DLAT: variants seen among roughly 807,000 people sequenced by gnomAD.
DLAT encodes dihydrolipoamide S-acetyltransferase.
A neutral mutation model predicts 68.0 loss-of-function variants in DLAT; 43 were observed. That is an observed-to-expected ratio of 0.63 (90% CI 0.50 to 0.81). The LOEUF (loss-of-function observed/expected upper bound fraction) is 0.81. Among genes scored for constraint, DLAT ranks in the 40% least tolerant of loss-of-function variants. DLAT has a pLI of 0.00. For synonymous variants in DLAT, 265 were observed against 288.6 expected, an observed-to-expected ratio of 0.92 and a Z score of 0.83; for missense variants, 745 against 815.4, an observed-to-expected ratio of 0.91 and a Z score of 1.05.
At chr11:112,048,226 A>G (rs1276486281) in intron 10 of DLAT, among the ~76,000 whole-genome samples, 1 of 152,108 alleles carries the variant, frequency 6.6e-6, no homozygotes, top group Non-Finnish European at 1.5e-5. Context: ...TTCTTTTTAT[A>G]GCAATTGTGA....
chr11:112,031,822 C>G (rs587680128), intron 4 of DLAT, among the ~76,000 whole-genome samples: 1 of 147,780 alleles, frequency 6.8e-6, no homozygotes, highest in South Asian at 2.1e-4. Context: ...TCAAGTGATC[C>G]TCCTGCATCA....
At chr11:112,058,740 T>C (rs1555182852) in intron 11 of DLAT, among the ~76,000 whole-genome samples, 2 of 151,714 alleles carry the variant, frequency 1.3e-5, no homozygotes, top group Non-Finnish European at 2.9e-5. Flanking sequence ...CCAATAAAAA[T>C]CAGTTATTTT....
chr11:112,026,856 G>T (rs1227684126), intron 2 of DLAT, among the ~76,000 whole-genome samples: 2 of 152,048 alleles, frequency 1.3e-5, no homozygotes, highest in African/African-American at 4.8e-5. Flanking sequence ...GGTGGTGGCC[G>T]GGCAGAGGGG....
chr11:112,027,196 A>T (rs587725087), intron 2 of DLAT, among the ~76,000 whole-genome samples: 1 of 145,630 alleles, frequency 6.9e-6, no homozygotes, highest in East Asian at 2.1e-4. Context: ...GGCGGTTGCC[A>T]GGCGGAGGGT....
At chr11:112,046,748 A>G (rs1415686590) in intron 10 of DLAT, among the ~76,000 whole-genome samples, 1 of 152,090 alleles carries the variant, frequency 6.6e-6, no homozygotes, top group East Asian at 1.9e-4. Flanking sequence ...TAGTTTGCTG[A>G]GAATGATGGT....
intron 11 of DLAT, among the ~76,000 whole-genome samples, chr11:112,059,697 CTTT>C (rs1391509935): frequency 4.6e-5 from 7 of 152,072 alleles, no homozygotes; most frequent in African/African-American, 7.2e-5. Context: ...CCGGACCTCT[CTTT>C]GATTTTTAAT....
chr11:112,029,024 T>C (rs1862254069), intron 4 of DLAT, 79 bp downstream of exon 4: 3 of 1,507,420 alleles, frequency 2.0e-6, no homozygotes, highest in Middle Eastern at 3.7e-4. Flanking sequence ...TACTACATCT[T>C]GGAAACTGAC....
chr11:112,040,346 A>G (rs1412910065), intron 7 of DLAT, among the ~76,000 whole-genome samples: 1 of 152,088 alleles, frequency 6.6e-6, no homozygotes, highest in African/African-American at 2.4e-5. Context: ...ATCATTCCTT[A>G]TTTTCTGGAT....
In DLAT at chr11:112,048,610, T is replaced by C. The variant is rs1489303334; in HGVS notation, c.1399-2624T>C. ...GTGCAGTGGCGTGATCTTGGCTTAC[T>C]GCAACCTCCACCTTCCAGGTTCAAG... On this transcript the variant is annotated intron_variant, in intron 10 of 13. Coordinates refer to ENST00000280346, the MANE Select transcript of DLAT (RefSeq NM_001931.5). Among the ~76,000 whole-genome samples, 13 of 152,184 alleles carry C rather than the reference T, an allele frequency of 8.5e-5. 1 individual carries two copies.
intron 4 of DLAT, chr11:112,030,132 A>C: frequency 1.4e-6 from 1 of 720,544 alleles, no homozygotes; most frequent in Non-Finnish European, 2.5e-6. Flanking sequence ...TCCATTAACA[A>C]AATCTCCACC....
chr11:112,031,323 T>A lies in DLAT; in HGVS notation c.661-2081T>A, dbSNP rs763124216. On this transcript the variant is annotated intron_variant, in intron 4 of 13. Transcript: ENST00000280346. ...CAAGCCATATAAATAGTAAAGCAAT[T>A]TTACATTTAGATAGGCATTCTGATG... Among the ~76,000 whole-genome samples, 124 of 152,314 alleles carry A rather than the reference T, an allele frequency of 8.1e-4. 1 individual carries two copies. The highest frequency in any genetic ancestry group is 1.1e-3 in the Non-Finnish European group (74 of 68,028).
At chr11:112,027,782 C>A (rs972977041) in intron 2 of DLAT, among the ~76,000 whole-genome samples, 2 of 149,930 alleles carry the variant, frequency 1.3e-5, no homozygotes, top group East Asian at 4.2e-4. Flanking sequence ...TGCCTGCAAT[C>A]GCAGGCACTC....
At chr11:112,047,845 C>T (rs1296509847) in intron 10 of DLAT, among the ~76,000 whole-genome samples, 7 of 152,128 alleles carry the variant, frequency 4.6e-5, no homozygotes, top group Non-Finnish European at 8.8e-5. Context: ...GGTACCAGTA[C>T]CATGCTGTTT....
chr11:112,060,072 TATTA>T lies in DLAT; in HGVS notation c.1677+12_1677+15del. The T allele has an allele frequency of 6.2e-7, 1 of 1,612,748 alleles. No individual in the cohort carries two copies. The highest frequency in any genetic ancestry group is 8.5e-7 in the Non-Finnish European group (1 of 1,178,880). On this transcript the variant is annotated splice_region_variant and intron_variant, in intron 12 of 13. Transcript: ENST00000280346. ...ACAGCCACATGAATTCCAGGTAGGG[TATTA>T]ATTATTGCTTTCTAATTATGTTATT...
In DLAT at chr11:112,045,161, C is replaced by T; in HGVS notation, c.1221C>T (p.Pro407=). Reference sequence around the variant, plus strand: ...AGGCTCCGGCAGCTGTTGTGCCTCCCACAGGTCCTGGAATGGCACCAGTTC... The same window carrying T: ...AGGCTCCGGCAGCTGTTGTGCCTCCTACAGGTCCTGGAATGGCACCAGTTC... ...VAPAPAAVVP[P]TGPGMAPVPT... Residue 407 remains proline, a synonymous_variant, in exon 9 of 14, where the codon CCC becomes CCT. Transcript: ENST00000280346. The T allele has an allele frequency of 1.9e-6, 3 of 1,614,096 alleles. No individual in the cohort carries two copies. The highest frequency in any genetic ancestry group is 2.5e-6 in the Non-Finnish European group (3 of 1,180,022).
At chr11:112,052,451 G>A (rs1863704925) in intron 11 of DLAT, among the ~76,000 whole-genome samples, 1 of 152,028 alleles carries the variant, frequency 6.6e-6, no homozygotes, top group African/African-American at 2.4e-5. Context: ...CTCTTCCTTG[G>A]GTTTGATTAA....
intron 8 of DLAT, 40 bp downstream of exon 8, chr11:112,043,573 T>TC: frequency 6.6e-7 from 1 of 1,515,652 alleles, no homozygotes; most frequent in South Asian, 1.1e-5. Flanking sequence ...GCAGTTTGTC[T>TC]CTACAGCCTG....
In DLAT at chr11:112,055,303, G is replaced by A. The variant is rs182158314; in HGVS notation, c.1514+3954G>A. 3.2e-3 allele frequency among the ~76,000 whole-genome samples: 469 copies of A among 147,100 alleles called. 5 individuals carry two copies. Among genetic ancestry groups the A allele is most frequent in the Non-Finnish European group, 2.5e-3 (171 of 67,294 alleles). ...CTGTCGCCCAGGCTGGAGTGCAGTG[G>A]CGCAATCTCGGCTCACTGCAACCTC... On this transcript the variant is annotated intron_variant, in intron 11 of 13. Transcript: ENST00000280346.
chr11:112,063,305 T>C lies in DLAT; in HGVS notation c.*770T>C, dbSNP rs1425674647. 2 of 152,236 alleles carry C rather than the reference T, an allele frequency of 1.3e-5. No individual in the cohort carries two copies. Among genetic ancestry groups the C allele is most frequent in the Non-Finnish European group, 2.9e-5 (2 of 68,026 alleles). 9.4% of individuals were successfully genotyped at this position (152,236 alleles called of 1,614,324 possible). A position where few individuals can be genotyped will look rare whatever the true frequency, so the allele number is the denominator to read the frequency against. On this transcript the variant is annotated 3_prime_UTR_variant, in exon 14 of 14. Transcript: ENST00000280346. ...CTCCAAAAAAGAAACATTGTTAATA[T>C]AATTTAACAGAAGTTGTGAAACTAA...
Sources: gnomAD v4.1 joint callset for allele counts (sites outside exome capture counted in the v4.1 genomes callset) on GRCh38, gnomAD v4.1.1 for gene constraint, MANE v1.5 for transcripts, NCBI Gene and HGNC (gene_info 2026-07-23, HGNC 2026-07-21) for gene names.